The following CADM3 variants were observed in gnomAD, a reference collection of about 807,000 sequenced individuals.
CADM3 encodes the protein cell adhesion molecule 3.
Under a neutral mutation model 44.9 loss-of-function variants are expected in CADM3, and 11 were observed. That is an observed-to-expected ratio of 0.25 (90% CI 0.15 to 0.41). The LOEUF is 0.41. CADM3 is among the 10% of genes least tolerant of loss of function. The pLI, the probability that CADM3 is intolerant of heterozygous loss-of-function variation, is 1.00. For synonymous variants in CADM3, 207 were observed against 205.2 expected (o/e 1.01, Z -0.08); for missense variants, 426 against 512.0 (o/e 0.83, Z 1.62).
chr1:159,190,045 G>A (rs1340133715), intron 1 of CADM3, among the ~76,000 whole-genome samples: 2 of 152,068 alleles, frequency 1.3e-5, no homozygotes, highest in African/African-American at 4.8e-5. Flanking sequence ...AAATTCTGTT[G>A]CACCTACTCC....
intron 1 of CADM3, among the ~76,000 whole-genome samples, chr1:159,185,347 C>T (rs943818590): frequency 3.3e-5 from 5 of 152,118 alleles, no homozygotes; most frequent in African/African-American, 1.2e-4. Context: ...GTGAGTCACC[C>T]CTGGCCACAA....
At chr1:159,173,935 C>T (rs1163973653) in intron 1 of CADM3, among the ~76,000 whole-genome samples, 1 of 152,220 alleles carries the variant, frequency 6.6e-6, no homozygotes, top group African/African-American at 2.4e-5. Context: ...GGTTCAGCCC[C>T]TATTCAGGCT....
intron 1 of CADM3, among the ~76,000 whole-genome samples, chr1:159,182,057 G>GACACACACACACACACAC (rs376492660): frequency 2.8e-5 from 4 of 143,994 alleles, no homozygotes; most frequent in African/African-American, 1.0e-4. Flanking sequence ...CACACAGACA[G>GACACACACACACACACAC]ACACACACAC....
intron 1 of CADM3, among the ~76,000 whole-genome samples, chr1:159,173,224 C>T (rs1390649717): frequency 1.6e-4 from 5 of 31,552 alleles, no homozygotes; most frequent in African/African-American, 3.6e-4. Flanking sequence ...GGGCACAGGG[C>T]GGGGCGGGGG....
chr1:159,193,942 T>C lies in CADM3; in HGVS notation c.593T>C (p.Val198Ala). 6.2e-7 allele frequency: 1 copy of C among 1,614,174 alleles called. No homozygotes were observed. Among genetic ancestry groups the C allele is most frequent in the Middle Eastern group, 1.6e-4 (1 of 6,062 alleles). ...FTVSSSVTFQ[V>A]TREDDGASIV... ...GTCAGCAGCTCGGTGACATTCCAGG[T>C]TACCCGGGAGGATGATGGGGCGAGC... The change falls in exon 5 of 9, where the codon GTT (valine) becomes GCT (alanine). Residue 198 changes from valine to alanine, a missense_variant. By Grantham distance (64) the Val-to-Ala change is moderately conservative. This residue lies in a region of CADM3 where 362 missense variants were observed against 474.6 expected (regional missense o/e 0.76). Coordinates refer to ENST00000368125, the MANE Select transcript of CADM3 (RefSeq NM_001127173.3).
chr1:159,202,322 C>CGGGTGTG lies in CADM3; in HGVS notation c.*1401_*1407dup, dbSNP rs1404860962. On this transcript the variant is annotated 3_prime_UTR_variant, in exon 9 of 9. Coordinates refer to ENST00000368125, the MANE Select transcript of CADM3 (RefSeq NM_001127173.3). ...CATCGGTCTTGGAGAAAGGAGTCCCCGGGTGTGTGTTTGCCCAGCTGTCCA... is the reference window on the plus strand; with the variant it reads ...CATCGGTCTTGGAGAAAGGAGTCCCCGGGTGTGGGGTGTGTGTTTGCCCAGCTGTCCA... 6.5e-6 allele frequency: 1 copy of CGGGTGTG among 152,716 alleles called. No homozygotes were observed. The highest frequency in any genetic ancestry group is 1.5e-5 in the Non-Finnish European group (1 of 68,368). 9.5% of individuals were successfully genotyped at this position (152,716 alleles called of 1,614,324 possible). A position where few individuals can be genotyped will look rare whatever the true frequency, so the allele number is the denominator to read the frequency against.
At position 159,199,739 on chromosome 1, in the gene CADM3, C is replaced by T. The variant is rs192691026; in HGVS notation, c.953-12C>T. The T allele has an allele frequency of 1.4e-5, 22 of 1,614,052 alleles. No individual in the cohort carries two copies. Among genetic ancestry groups the T allele is most frequent in the Admixed American group, 6.7e-5 (4 of 60,008 alleles). ...CCCCAGATCTGACTGTGTGTGTTGC[C>T]CTTTCTTCCAGACCCCAGTCCGGTG... On this transcript the variant is annotated splice_polypyrimidine_tract_variant and intron_variant, in intron 7 of 8. Transcript: ENST00000368125.
At chr1:159,181,710 G>A (rs1047289691) in intron 1 of CADM3, among the ~76,000 whole-genome samples, 1 of 152,184 alleles carries the variant, frequency 6.6e-6, no homozygotes, top group Non-Finnish European at 1.5e-5. Context: ...ATTGGCTACA[G>A]AGGGGCTTGT....
intron 1 of CADM3, among the ~76,000 whole-genome samples, chr1:159,177,218 G>A (rs557005993): frequency 6.6e-6 from 1 of 152,112 alleles, no homozygotes; most frequent in East Asian, 1.9e-4. Context: ...TTGACAAACT[G>A]AGTCTGGTGG....
intron 1 of CADM3, among the ~76,000 whole-genome samples, chr1:159,190,624 A>G (rs34741690): frequency 2.4e-3 from 359 of 152,330 alleles, no homozygotes; most frequent in African/African-American, 8.3e-3. Flanking sequence ...AGTCGATGCT[A>G]TCAGTCAATA....
intron 1 of CADM3, among the ~76,000 whole-genome samples, chr1:159,172,838 G>A (rs1648871383): frequency 6.6e-6 from 1 of 152,108 alleles, no homozygotes; most frequent in African/African-American, 2.4e-5. Flanking sequence ...GGCTATGTAG[G>A]TCAGCGCTGT....
At chr1:159,171,899 G>C in intron 1 of CADM3, 46 bp downstream of exon 1, 1 of 1,181,630 alleles carries the variant, frequency 8.5e-7, no homozygotes, top group Non-Finnish European at 1.1e-6. Flanking sequence ...GGAGTGACCC[G>C]AGGCGGGGGC....
intron 7 of CADM3, 91 bp downstream of exon 7, chr1:159,197,151 A>G: frequency 7.3e-7 from 1 of 1,363,646 alleles, no homozygotes. Flanking sequence ...ACATCCCCAA[A>G]CTGTGACGGG....
intron 1 of CADM3, among the ~76,000 whole-genome samples, chr1:159,172,745 G>C (rs907326605): frequency 4.6e-5 from 7 of 151,938 alleles, no homozygotes; most frequent in Admixed American, 6.5e-5. Flanking sequence ...ATGGTAGAGA[G>C]ATGAAGGAAG....
chr1:159,191,967 G>A lies in CADM3; in HGVS notation c.120G>A (p.Val40=), dbSNP rs575100592. The change falls in exon 2 of 9, where the codon GTG becomes GTA. Residue 40 remains valine (V), a synonymous_variant. Transcript: ENST00000368125. ...DSQPWTSDET[V]VAGGTVVLKC... ...AGCCCTGGACATCTGATGAAACAGT[G>A]GTGGCTGGTGGCACCGTGGTGCTCA... 1.9e-4 allele frequency: 302 copies of A among 1,614,124 alleles called. 2 individuals carry two copies. The Admixed American group carries it at 4.9e-3, about 26-fold the overall frequency.
chr1:159,184,845 G>A (rs1228088593), intron 1 of CADM3, among the ~76,000 whole-genome samples: 3 of 152,172 alleles, frequency 2.0e-5, no homozygotes, highest in Non-Finnish European at 4.4e-5. Flanking sequence ...AATAACAGGT[G>A]CTTTAAAGAA....
intron 1 of CADM3, among the ~76,000 whole-genome samples, chr1:159,173,166 G>A (rs1299217298): frequency 6.7e-6 from 1 of 149,622 alleles, no homozygotes; most frequent in Non-Finnish European, 1.5e-5. Flanking sequence ...CAGGGGAGGA[G>A]AAAGGGGAGG....
chr1:159,180,325 G>A (rs1228642323), intron 1 of CADM3, among the ~76,000 whole-genome samples: 1 of 152,166 alleles, frequency 6.6e-6, no homozygotes, highest in Non-Finnish European at 1.5e-5. Flanking sequence ...TTGTGTGTGT[G>A]TATTGAGGGG....
chr1:159,171,872 G>T lies in CADM3; in HGVS notation c.88+19G>T. On this transcript the variant is annotated intron_variant, in intron 1 of 8. Transcript: ENST00000368125. ...CAGGACGGTGAGTGAGGGAGGGGGCGGCGCCTGGGGAGGTGGGGAGTGACC... is the reference window on the plus strand; with the variant it reads ...CAGGACGGTGAGTGAGGGAGGGGGCTGCGCCTGGGGAGGTGGGGAGTGACC... 1 of 1,231,796 alleles carries T rather than the reference G, an allele frequency of 8.1e-7. No individual in the cohort carries two copies. Among genetic ancestry groups the T allele is most frequent in the South Asian group, 4.1e-5 (1 of 24,358 alleles). The allele number at this position is 1,231,796 out of a possible 1,614,324, so 76.3% of individuals were successfully genotyped here. A position where few individuals can be genotyped will look rare whatever the true frequency, so the allele number is the denominator to read the frequency against.
Sources: gnomAD v4.1 joint callset for allele counts (sites outside exome capture counted in the v4.1 genomes callset) on GRCh38, gnomAD v4.1.1 for gene constraint, gnomAD v4.1.1 regional missense constraint, MANE v1.5 for transcripts, NCBI Gene and HGNC (gene_info 2026-07-23, HGNC 2026-07-21) for gene names.